Variants in HCFC2 observed in about 807,000 individuals in gnomAD.
HCFC2 encodes host cell factor 2.
HCFC2 carries 18 observed loss-of-function variants against 89.2 expected under a neutral mutation model. The ratio of observed to expected loss-of-function variants is 0.20; its 90% confidence interval spans 0.14 to 0.30. HCFC2 has a LOEUF of 0.30. Among genes scored for constraint, HCFC2 ranks in the 10% least tolerant of loss-of-function variants. The pLI, the probability that HCFC2 is intolerant of heterozygous loss-of-function variation, is 1.00. For missense variants in HCFC2, 578 were observed against 956.1 expected (o/e 0.60, Z 5.21); for synonymous variants, 308 against 335.7 (o/e 0.92, Z 0.90).
intron 9 of HCFC2, among the ~76,000 whole-genome samples, chr12:104,092,339 G>T (rs543523093): frequency 1.3e-5 from 2 of 152,074 alleles, no homozygotes; most frequent in African/African-American, 4.8e-5. Flanking sequence ...GCTGGTGTGT[G>T]CCTGTAGCCC....
chr12:104,072,891 ACCT>A (rs901684583), intron 3 of HCFC2, among the ~76,000 whole-genome samples: 5 of 151,410 alleles, frequency 3.3e-5, no homozygotes, highest in African/African-American at 1.2e-4. Context: ...TGATCCGCCC[ACCT>A]CAGCCTCCCA....
chr12:104,101,878 T>C (rs2029949052), intron 13 of HCFC2, 90 bp from the exon 14 acceptor site: 1 of 778,346 alleles, frequency 1.3e-6, no homozygotes, highest in African/African-American at 1.8e-5. Context: ...TCTTTAAAAG[T>C]TTTTTTGTTT....
rs199962994 is a variant in HCFC2 at position 104,102,937 on chromosome 12, GT to G, written c.2065-16del. ...GAGGAAACTTAAGAACCTTTAACCT[GT>G]TTTTTCCCCCCCCCTTCAAGAATGT... On this transcript the variant is annotated intron_variant, in intron 14 of 14. Coordinates refer to ENST00000229330, the MANE Select transcript of HCFC2 (RefSeq NM_013320.3). The G allele has an allele frequency of 6.5e-4, 1,029 of 1,572,122 alleles. 4 individuals are homozygous for G. The East Asian group carries it at 7.6e-3, about 12-fold the overall frequency.
At chr12:104,093,587 A>G (rs747771006) in intron 10 of HCFC2, 24 bp downstream of exon 10, 1 of 1,553,492 alleles carries the variant, frequency 6.4e-7, no homozygotes, top group East Asian at 2.3e-5. Flanking sequence ...ATTTTAAACT[A>G]AAGCTTTTTA....
At chr12:104,075,195 T>TAA (rs57363649) in intron 3 of HCFC2, among the ~76,000 whole-genome samples, 3,699 of 148,164 alleles carry the variant, frequency 0.025, 66 homozygotes, top group Middle Eastern at 0.066. Flanking sequence ...TCTGTGAAAA[T>TAA]AAAAAAAAAA....
intron 7 of HCFC2, among the ~76,000 whole-genome samples, chr12:104,085,078 C>G (rs1336151012): frequency 1.3e-5 from 2 of 152,038 alleles, no homozygotes; most frequent in African/African-American, 4.8e-5. Context: ...ATGAGAAAAA[C>G]AGATTATAAA....
rs187062252 is a variant in HCFC2, at chr12:104,096,373, T to C, written c.1680T>C (p.Tyr560=). ...TTTAATTTTTAGTTGATGAAACATATGCACTGCCTGCAACGAAGATCAGCC... is the reference window on the plus strand; with the variant it reads ...TTTAATTTTTAGTTGATGAAACATACGCACTGCCTGCAACGAAGATCAGCC... ...FSTKSEVDET[Y]ALPATKISRV... is the part of the protein sequence containing the mutation. The change falls in exon 12 of 15, where the codon TAT becomes TAC. Residue 560 remains tyrosine, a synonymous_variant. Transcript: ENST00000229330. The C allele has an allele frequency of 1.2e-6, 2 of 1,603,242 alleles. No individual in the cohort carries two copies. The highest frequency in any genetic ancestry group is 3.3e-5 in the Admixed American group (2 of 59,870).
At chr12:104,087,865 A>G (rs886793562) in intron 8 of HCFC2, 121 bp from the exon 9 acceptor site, 1 of 490,340 alleles carries the variant, frequency 2.0e-6, no homozygotes, top group Non-Finnish European at 3.3e-6. Flanking sequence ...TTAAGAAAAC[A>G]TATAACCTTT....
intron 3 of HCFC2, among the ~76,000 whole-genome samples, chr12:104,076,474 A>T (rs1455788305): frequency 6.6e-6 from 1 of 152,246 alleles, no homozygotes; most frequent in African/African-American, 2.4e-5. Flanking sequence ...TATGAACTGG[A>T]TAGCATACTG....
chr12:104,081,596 C>T (rs1162851628), intron 5 of HCFC2, among the ~76,000 whole-genome samples: 2 of 147,862 alleles, frequency 1.4e-5, no homozygotes, highest in Non-Finnish European at 3.0e-5. Context: ...TAATTTAGAA[C>T]CTAGTTTTTT....
intron 2 of HCFC2, 103 bp downstream of exon 2, chr12:104,066,418 ATATTATTCAAGTAATG>A (rs1287429542): frequency 4.5e-5 from 36 of 806,634 alleles, no homozygotes; most frequent in Non-Finnish European, 6.5e-5. Context: ...ACACATTTTA[ATATTATTCAAGTAATG>A]TATTATTCAA....
At position 104,064,606 on chromosome 12, in the gene HCFC2, A is replaced by C. The variant is rs770095641; in HGVS notation, c.46A>C (p.Thr16Pro). 1 of 1,574,434 alleles carries C rather than the reference A, an allele frequency of 6.4e-7. No homozygotes were observed. The highest frequency in any genetic ancestry group is 2.5e-5 in the East Asian group (1 of 39,600). The change falls in exon 1 of 15, where the codon ACG becomes CCG. Residue 16 changes from threonine to proline, a missense_variant. By Grantham distance (38) the Thr-to-Pro change is conservative. Transcript: ENST00000229330. The surrounding 1 kb of genome is among the most constrained non-coding windows in gnomAD (Gnocchi z 7.3). The stretch of plus-strand genomic sequence containing the variant: ...CAACTGGAGGCGAGTTTCTTCCTTC[A>C]CGGGGCCGGTCCCCCGCGCCCGGCA... ...LLNWRRVSSF[T>P]GPVPRARHGH... is the part of the protein sequence containing the mutation.
rs7977280 is a variant in HCFC2 at position 104,072,733 on chromosome 12, C to G, written c.473+4626C>G. On this transcript the variant is annotated intron_variant, in intron 3 of 14. Transcript: ENST00000229330. ...TCTCAGCTCACTGCAAGCTCCGCCT[C>G]CTGGGTTCACGCCATTCTCCTGCCT... Among the ~76,000 whole-genome samples, 619 of 152,026 alleles carry G rather than the reference C, an allele frequency of 4.1e-3. 4 individuals are homozygous for G. Among genetic ancestry groups the G allele is most frequent in the Middle Eastern group, 0.034 (10 of 294 alleles).
chr12:104,065,863 T>C (rs1883105452), intron 1 of HCFC2, among the ~76,000 whole-genome samples: 1 of 152,210 alleles, frequency 6.6e-6, no homozygotes. Flanking sequence ...ATCAGGGTTT[T>C]TCAACAGCAG....
At chr12:104,099,471 C>T (rs973215663) in intron 13 of HCFC2, among the ~76,000 whole-genome samples, 5 of 151,798 alleles carry the variant, frequency 3.3e-5, no homozygotes, top group African/African-American at 1.2e-4. Flanking sequence ...TGTGGTGGAG[C>T]ATGCCTGCAG....
At chr12:104,094,331 C>G (rs1242082201) in intron 10 of HCFC2, among the ~76,000 whole-genome samples, 1 of 152,106 alleles carries the variant, frequency 6.6e-6, no homozygotes, top group African/African-American at 2.4e-5. Context: ...ATTCCTAGCA[C>G]CTGGTACAGT....
chr12:104,082,431 C>A, intron 5 of HCFC2, 69 bp from the exon 6 acceptor site: 1 of 991,442 alleles, frequency 1.0e-6, no homozygotes. Context: ...TTTTTCTATT[C>A]TTAGCACTTC....
chr12:104,069,657 T>G (rs1337022013), intron 3 of HCFC2, among the ~76,000 whole-genome samples: 1 of 152,124 alleles, frequency 6.6e-6, no homozygotes, highest in African/African-American at 2.4e-5. Context: ...TTTTCTTTCT[T>G]TTTTTTAGAC....
intron 14 of HCFC2, among the ~76,000 whole-genome samples, 165 bp from the exon 15 acceptor site, chr12:104,102,794 T>A (rs2029988231): frequency 6.6e-6 from 1 of 152,118 alleles, no homozygotes; most frequent in Non-Finnish European, 1.5e-5. Context: ...ACATTGTAGA[T>A]CCAAATGAGG....
Sources: gnomAD v4.1 joint callset for allele counts (sites outside exome capture counted in the v4.1 genomes callset) on GRCh38, gnomAD v4.1.1 for gene constraint, Gnocchi (gnomAD v3.1) non-coding constraint, MANE v1.5 for transcripts, NCBI Gene and HGNC (gene_info 2026-07-23, HGNC 2026-07-21) for gene names.